Variants in GLIS3 observed in about 807,000 individuals in gnomAD.
The protein encoded by GLIS3 is zinc finger protein GLIS3.
Under a neutral mutation model 78.6 loss-of-function variants are expected in GLIS3, and 53 were observed. That is an observed-to-expected ratio of 0.67 (90% confidence interval 0.54 to 0.85). The LOEUF (loss-of-function observed/expected upper bound fraction) is 0.85. Ranked by LOEUF, GLIS3 falls within the 40% of genes least tolerant of loss-of-function variation. The pLI, the probability that GLIS3 is intolerant of heterozygous loss-of-function variation, is 0.00. For missense variants in GLIS3, 1,703 were observed against 1,231.1 expected, an observed-to-expected ratio of 1.38 and a Z score of -5.74; for synonymous variants, 684 against 509.9, an observed-to-expected ratio of 1.34 and a Z score of -4.60.
intron 4 of GLIS3, among the ~76,000 whole-genome samples, chr9:4,018,457 G>C (rs1244003391): frequency 1.3e-5 from 2 of 152,132 alleles, no homozygotes; most frequent in African/African-American, 4.8e-5. Context: ...GGAACACTTG[G>C]GGTGTACTTT....
intron 7 of GLIS3, among the ~76,000 whole-genome samples, chr9:3,888,543 G>A (rs768723037): frequency 9.2e-5 from 14 of 152,216 alleles, no homozygotes; most frequent in Non-Finnish European, 1.5e-4. Context: ...TCCTAGATGT[G>A]TAAAATGAAG....
intron 4 of GLIS3, chr9:4,034,897 G>A (rs1012198365): frequency 5.3e-5 from 8 of 152,176 alleles, no homozygotes; most frequent in African/African-American, 1.9e-4. Context: ...ACACAAATGT[G>A]TGTGTGGCAG....
intron 2 of GLIS3, among the ~76,000 whole-genome samples, chr9:4,142,477 A>G (rs1034757420): frequency 1.3e-5 from 2 of 152,238 alleles, no homozygotes; most frequent in Admixed American, 6.5e-5. Context: ...GTGCCTCCTC[A>G]TTCAACTGTT....
chr9:3,828,309 C>G lies in GLIS3; in HGVS notation c.2756G>C (p.Cys919Ser), dbSNP rs775310233. 34 of 1,614,096 alleles carry G rather than the reference C, an allele frequency of 2.1e-5. No homozygotes were observed. In the South Asian group the frequency reaches 3.6e-4, roughly 17 times the overall value. ...GTAGACAGAGGAGAGCTGGCTAGGA[C>G]AGCGGTCCACGGTGCTGATCTGCAA... ...TFLQISTVDR[C>S]PSQLSSVYTE... Residue 919 changes from cysteine (C) to serine (S), a missense_variant, in exon 11 of 11, where the codon TGT (cysteine) becomes TCT (serine). By Grantham distance (112) the Cys-to-Ser change is moderately radical. Transcript: ENST00000381971.
At chr9:4,298,412 T>C in intron 1 of GLIS3, 1 of 456,104 alleles carries the variant, frequency 2.2e-6, no homozygotes, top group Non-Finnish European at 4.4e-6. Flanking sequence ...GGATGACAAA[T>C]CAGCCAGGGC....
At chr9:4,425,280 T>C in the GLIS3 span, among the ~76,000 whole-genome samples, 3 of 152,210 alleles carry the variant, frequency 2.0e-5, no homozygotes, top group Non-Finnish European at 4.4e-5. Flanking sequence ...TAATCCTAAG[T>C]AATATACACA....
chr9:4,316,938 G>A (rs540653816), intron 2 of GLIS3, among the ~76,000 whole-genome samples: 15 of 142,522 alleles, frequency 1.1e-4, no homozygotes, highest in African/African-American at 3.1e-4. Flanking sequence ...TCCATTAGCC[G>A]TTGGTAAAAT....
At chr9:3,978,248 T>G (rs922978526) in intron 4 of GLIS3, among the ~76,000 whole-genome samples, 1 of 152,126 alleles carries the variant, frequency 6.6e-6, no homozygotes, top group Admixed American at 6.5e-5. Context: ...TGAAGAGTTG[T>G]CATTGTATTC....
At chr9:4,087,373 GA>G (rs1829121606) in intron 4 of GLIS3, among the ~76,000 whole-genome samples, 1 of 152,130 alleles carries the variant, frequency 6.6e-6, no homozygotes, top group Admixed American at 6.5e-5. Flanking sequence ...AGCTACTACT[GA>G]GTGAAGATGA....
chr9:4,168,878 G>A (rs146887649), intron 2 of GLIS3, among the ~76,000 whole-genome samples: 65 of 152,240 alleles, frequency 4.3e-4, no homozygotes, highest in African/African-American at 1.5e-3. Flanking sequence ...ACATCAATCT[G>A]TTTAATCTAG....
the GLIS3 span, among the ~76,000 whole-genome samples, chr9:4,377,722 T>C: frequency 3.9e-5 from 6 of 152,158 alleles, no homozygotes; most frequent in East Asian, 1.2e-3. Context: ...TTATATAGTA[T>C]AAGATGCTAT....
chr9:4,064,961 T>C lies in GLIS3; in HGVS notation c.1710+52807A>G, dbSNP rs552576171. Among the ~76,000 whole-genome samples, 4 of 152,244 alleles carry C rather than the reference T, an allele frequency of 2.6e-5. No homozygotes were observed. In the South Asian group the frequency reaches 8.3e-4, roughly 32 times the overall value. ...GATGTGACTGGAGCACCACCATTCATCCTCCAGGGGCAGGGCAAACAGGCT... is the reference window on the plus strand; with the variant it reads ...GATGTGACTGGAGCACCACCATTCACCCTCCAGGGGCAGGGCAAACAGGCT... On this transcript the variant is annotated intron_variant, in intron 4 of 10. Transcript: ENST00000381971.
chr9:3,905,308 G>C (rs969744281), intron 6 of GLIS3, among the ~76,000 whole-genome samples: 1 of 151,892 alleles, frequency 6.6e-6, no homozygotes, highest in Non-Finnish European at 1.5e-5. Flanking sequence ...TGATATTCTA[G>C]CCGGAAGCCT....
chr9:4,307,951 G>A (rs972932070), intron 4 of GLIS3, among the ~76,000 whole-genome samples: 1 of 152,124 alleles, frequency 6.6e-6, no homozygotes, highest in Non-Finnish European at 1.5e-5. Context: ...GTGCTATTTA[G>A]GGTAACTTGT....
At chr9:3,841,322 A>G (rs1818702079) in intron 9 of GLIS3, among the ~76,000 whole-genome samples, 1 of 152,224 alleles carries the variant, frequency 6.6e-6, no homozygotes, top group East Asian at 1.9e-4. Context: ...TGGAAAATAC[A>G]TAAAATAGAG....
the GLIS3 span, among the ~76,000 whole-genome samples, chr9:4,368,437 C>T: frequency 6.6e-6 from 1 of 151,918 alleles, no homozygotes; most frequent in Admixed American, 6.6e-5. Flanking sequence ...CTCCGCTTCC[C>T]GGGTTCACGC....
At chr9:4,354,836 G>C in the GLIS3 span, among the ~76,000 whole-genome samples, 6 of 152,082 alleles carry the variant, frequency 3.9e-5, no homozygotes, top group African/African-American at 1.4e-4. Context: ...TCCCTGAGTA[G>C]CCGGACATGG....
intron 8 of GLIS3, among the ~76,000 whole-genome samples, chr9:3,872,761 T>G (rs1821049837): frequency 6.6e-6 from 1 of 152,134 alleles, no homozygotes; most frequent in Admixed American, 6.5e-5. Flanking sequence ...CCCACACCTG[T>G]GGAATACAGC....
intron 4 of GLIS3, among the ~76,000 whole-genome samples, chr9:4,100,019 G>A (rs527505110): frequency 6.6e-6 from 1 of 152,252 alleles, no homozygotes; most frequent in African/African-American, 2.4e-5. Flanking sequence ...CACTCATTCT[G>A]CCTCCCATAC....
Sources: allele counts gnomAD v4.1 joint callset (sites outside exome capture counted in the v4.1 genomes callset), GRCh38; gene constraint gnomAD v4.1.1; transcripts MANE v1.5; gene names NCBI Gene and HGNC (gene_info 2026-07-23, HGNC 2026-07-21).